Variants in TPD52L1 observed in about 807,000 individuals in gnomAD.
The protein encoded by TPD52L1 is tumor protein D53.
A neutral mutation model predicts 28.7 loss-of-function variants in TPD52L1; 18 were observed. That is an observed-to-expected ratio of 0.63 (90% CI 0.43 to 0.93). TPD52L1 has a LOEUF of 0.93. Ranked by LOEUF, TPD52L1 falls within the 40% of genes least tolerant of loss-of-function variation. The pLI, the probability that TPD52L1 is intolerant of heterozygous loss-of-function variation, is 0.00. For missense variants in TPD52L1, 203 were observed against 254.8 expected (o/e 0.80, Z 1.39); for synonymous variants, 75 against 88.8 (o/e 0.84, Z 0.88).
chr6:125,213,311 A>G (rs943244782), intron 1 of TPD52L1, among the ~76,000 whole-genome samples: 7 of 152,120 alleles, frequency 4.6e-5, no homozygotes, highest in Non-Finnish European at 1.0e-4. Context: ...TGTCCTAGCT[A>G]GGGAGGCATC....
intron 3 of TPD52L1, among the ~76,000 whole-genome samples, chr6:125,240,469 A>T (rs1247731785): frequency 6.6e-6 from 1 of 151,924 alleles, no homozygotes; most frequent in African/African-American, 2.4e-5. Flanking sequence ...ATGAGTTTTC[A>T]TTTGTTTGTG....
At chr6:125,154,153 T>A in intron 1 of TPD52L1, 183 bp downstream of exon 1, 1 of 1,391,466 alleles carries the variant, frequency 7.2e-7, no homozygotes, top group Non-Finnish European at 9.3e-7. Flanking sequence ...TTGCTGTGGG[T>A]CTGGGGATCA....
At position 125,262,973 on chromosome 6, in the gene TPD52L1, C is replaced by T. The variant is rs369222385; in HGVS notation, c.*11C>T. 40 of 1,609,148 alleles carry T rather than the reference C, an allele frequency of 2.5e-5. No homozygotes were observed. The highest frequency in any genetic ancestry group is 9.4e-5 in the African/African-American group (7 of 74,756). ...GAGCTGCAGTGCTAAGTCCAGCCAGCGTGCAGCTGCATCCAGAAACCGGCC... is the reference window on the plus strand; with the variant it reads ...GAGCTGCAGTGCTAAGTCCAGCCAGTGTGCAGCTGCATCCAGAAACCGGCC... On this transcript the variant is annotated 3_prime_UTR_variant, in exon 7 of 7. Coordinates refer to ENST00000534000, the MANE Select transcript of TPD52L1 (RefSeq NM_003287.4).
intron 1 of TPD52L1, among the ~76,000 whole-genome samples, chr6:125,168,990 C>T (rs1449142203): frequency 6.6e-6 from 1 of 152,042 alleles, no homozygotes; most frequent in Non-Finnish European, 1.5e-5. Flanking sequence ...TTTCTTGCTC[C>T]CTCTTTCTTT....
intron 1 of TPD52L1, among the ~76,000 whole-genome samples, chr6:125,179,353 C>T (rs1562229407): frequency 6.6e-6 from 1 of 152,248 alleles, no homozygotes; most frequent in African/African-American, 2.4e-5. Flanking sequence ...TAGTGCAGCT[C>T]AATGACATAG....
At chr6:125,187,276 G>A (rs995349065) in intron 1 of TPD52L1, among the ~76,000 whole-genome samples, 1 of 152,164 alleles carries the variant, frequency 6.6e-6, no homozygotes, top group Non-Finnish European at 1.5e-5. Context: ...AATATTAAAA[G>A]TATGATAATT....
intron 1 of TPD52L1, among the ~76,000 whole-genome samples, chr6:125,200,911 G>A (rs780786959): frequency 7.2e-5 from 11 of 152,200 alleles, no homozygotes; most frequent in African/African-American, 2.4e-4. Context: ...TGGAGTCAGC[G>A]TTCTAAAGTA....
rs1798151975 is a variant in TPD52L1, at chr6:125,263,080, T to C, written c.*118T>C. The C allele has an allele frequency of 1.6e-6, 2 of 1,249,278 alleles. No individual in the cohort carries two copies. The highest frequency in any genetic ancestry group is 2.1e-6 in the Non-Finnish European group (2 of 932,826). The allele number at this position is 1,249,278 out of a possible 1,614,324, so 77.4% of individuals were successfully genotyped here. On this transcript the variant is annotated 3_prime_UTR_variant, in exon 7 of 7. Coordinates refer to ENST00000534000, the MANE Select transcript of TPD52L1 (RefSeq NM_003287.4). ...GGGAAAAACCCAGGCCTTGACATTG[T>C]TATTCAAATGGCCCCTCCAGAAAGT...
chr6:125,237,191 T>C (rs1285826870), intron 3 of TPD52L1, among the ~76,000 whole-genome samples: 2 of 152,050 alleles, frequency 1.3e-5, no homozygotes, highest in Non-Finnish European at 2.9e-5. Context: ...TATGAGGAGA[T>C]AGTGCAAGGT....
At chr6:125,213,514 T>A (rs1391011450) in intron 1 of TPD52L1, among the ~76,000 whole-genome samples, 1 of 152,140 alleles carries the variant, frequency 6.6e-6, no homozygotes, top group Non-Finnish European at 1.5e-5. Flanking sequence ...TTGCCTTGGC[T>A]CTCATTGGAG....
chr6:125,236,334 C>G (rs1796259831), intron 3 of TPD52L1, among the ~76,000 whole-genome samples: 2 of 152,120 alleles, frequency 1.3e-5, no homozygotes, highest in Non-Finnish European at 2.9e-5. Context: ...TAATACCACA[C>G]TAAAGTAATC....
intron 1 of TPD52L1, among the ~76,000 whole-genome samples, chr6:125,199,028 T>C (rs1341802334): frequency 6.6e-6 from 1 of 152,218 alleles, no homozygotes; most frequent in Non-Finnish European, 1.5e-5. Context: ...TGTTAACATA[T>C]TAACATTATT....
Position 125,263,046 on chromosome 6 carries a change from A to T in TPD52L1, c.*84A>T. 6.9e-7 allele frequency: 1 copy of T among 1,448,236 alleles called. No individual in the cohort carries two copies. Among genetic ancestry groups the T allele is most frequent in the Middle Eastern group, 2.2e-4 (1 of 4,474 alleles). The allele number at this position is 1,448,236 out of a possible 1,614,324, so 89.7% of individuals were successfully genotyped here. A position where few individuals can be genotyped will look rare whatever the true frequency, so the allele number is the denominator to read the frequency against. On this transcript the variant is annotated 3_prime_UTR_variant, in exon 7 of 7. Coordinates refer to ENST00000534000, the MANE Select transcript of TPD52L1 (RefSeq NM_003287.4). ...GTGCTTATCCAGATAAGAAGACCAA[A>T]ATCCCGCTGGGAAAAACCCAGGCCT... is the stretch of plus-strand genomic sequence containing the variant.
intron 1 of TPD52L1, among the ~76,000 whole-genome samples, chr6:125,217,572 CATAA>C: frequency 6.6e-6 from 1 of 152,002 alleles, no homozygotes; most frequent in East Asian, 1.9e-4. Flanking sequence ...GGGGAGTGGC[CATAA>C]ATAGAGATGA....
intron 5 of TPD52L1, among the ~76,000 whole-genome samples, chr6:125,255,857 T>C (rs1305757308): frequency 1.3e-5 from 2 of 152,158 alleles, no homozygotes; most frequent in Admixed American, 1.3e-4. Context: ...GGATACAAGA[T>C]TTAAAATACA....
chr6:125,195,049 G>A (rs558022341), intron 1 of TPD52L1, among the ~76,000 whole-genome samples: 2 of 152,314 alleles, frequency 1.3e-5, no homozygotes, highest in East Asian at 3.9e-4. Flanking sequence ...TTCTGACAAA[G>A]TTGGCACACA....
At chr6:125,207,735 G>A (rs971366194) in intron 1 of TPD52L1, among the ~76,000 whole-genome samples, 2 of 152,130 alleles carry the variant, frequency 1.3e-5, no homozygotes, top group African/African-American at 4.8e-5. Flanking sequence ...GGTAGCAAGG[G>A]GAACCCACTG....
chr6:125,235,522 G>A (rs1027343902), intron 3 of TPD52L1, among the ~76,000 whole-genome samples: 3 of 152,192 alleles, frequency 2.0e-5, no homozygotes, highest in South Asian at 2.1e-4. Flanking sequence ...CCCATAGGCC[G>A]CAGGTTGGAC....
intron 1 of TPD52L1, among the ~76,000 whole-genome samples, chr6:125,199,168 G>T (rs754127401): frequency 4.6e-5 from 7 of 152,156 alleles, no homozygotes; most frequent in Non-Finnish European, 8.8e-5. Context: ...TTGTGGTTTT[G>T]ACTTAAATAA....
Sources: allele counts gnomAD v4.1 joint callset (sites outside exome capture counted in the v4.1 genomes callset), GRCh38; gene constraint gnomAD v4.1.1; transcripts MANE v1.5; gene names NCBI Gene and HGNC (gene_info 2026-07-23, HGNC 2026-07-21).